Variants in MTMR6 observed in about 807,000 individuals in gnomAD.
MTMR6 encodes the protein phosphatidylinositol-3,5-bisphosphate 3-phosphatase MTMR6.
In MTMR6, 47 loss-of-function variants were observed where a neutral mutation model predicts 80.1. The ratio of observed to expected loss-of-function variants is 0.59; its 90% confidence interval spans 0.46 to 0.75. The LOEUF is 0.75. MTMR6 is among the 30% of genes least tolerant of loss of function. The pLI, the probability that MTMR6 is intolerant of heterozygous loss-of-function variation, is 0.00. For missense variants in MTMR6, 629 were observed against 730.9 expected, an observed-to-expected ratio of 0.86 and a Z score of 1.61; for synonymous variants, 254 against 253.0, an observed-to-expected ratio of 1.00 and a Z score of -0.04.
At chr13:25,285,746 C>A (rs1413730569) in intron 1 of MTMR6, among the ~76,000 whole-genome samples, 1 of 152,054 alleles carries the variant, frequency 6.6e-6, no homozygotes, top group African/African-American at 2.4e-5. Context: ...GTTGTCCAGG[C>A]TGGTCTCGAA....
chr13:25,274,570 C>T (rs949587752), intron 1 of MTMR6, among the ~76,000 whole-genome samples: 1 of 151,966 alleles, frequency 6.6e-6, no homozygotes, highest in Non-Finnish European at 1.5e-5. Flanking sequence ...AGTAAACTAC[C>T]AGAAAAATTA....
At chr13:25,267,324 C>T (rs1229855954) in intron 3 of MTMR6, among the ~76,000 whole-genome samples, 1 of 152,006 alleles carries the variant, frequency 6.6e-6, no homozygotes, top group Admixed American at 6.6e-5. Flanking sequence ...TAGAATTCAC[C>T]CTCTCTTGTT....
intron 1 of MTMR6, among the ~76,000 whole-genome samples, chr13:25,283,756 T>C (rs78973087): frequency 2.3e-3 from 350 of 152,354 alleles, no homozygotes; most frequent in Middle Eastern, 0.01. Context: ...GACAATATCA[T>C]TTGACATCAA....
At chr13:25,277,605 T>C (rs1320658103) in intron 1 of MTMR6, among the ~76,000 whole-genome samples, 2 of 152,114 alleles carry the variant, frequency 1.3e-5, no homozygotes, top group Non-Finnish European at 2.9e-5. Flanking sequence ...CTCTGCTATC[T>C]TTTCCCTACA....
At chr13:25,273,749 ACTC>A (rs1027807343) in intron 2 of MTMR6, among the ~76,000 whole-genome samples, 3 of 150,772 alleles carry the variant, frequency 2.0e-5, no homozygotes, top group Non-Finnish European at 4.4e-5. Context: ...CTGGTCTTGA[ACTC>A]CTGACCTCGT....
Position 25,287,291 on chromosome 13 carries a change from T to C in MTMR6, c.-44A>G, listed in dbSNP as rs765941943. ...GGCAGCCGGTCTCACAGGCGTACCA[T>C]ACGGCTACAGAAACAGGGCGGTGAC... On this transcript the variant is annotated 5_prime_UTR_variant, in exon 1 of 14. It removes an upstream start codon present in the reference 5' UTR. Coordinates refer to ENST00000381801, the MANE Select transcript of MTMR6 (RefSeq NM_004685.5). 6 of 1,574,780 alleles carry C rather than the reference T, an allele frequency of 3.8e-6. No individual in the cohort carries two copies. Among genetic ancestry groups the C allele is most frequent in the African/African-American group, 2.7e-5 (2 of 73,972 alleles).
At chr13:25,270,597 T>C (rs1957551693) in intron 2 of MTMR6, among the ~76,000 whole-genome samples, 1 of 152,112 alleles carries the variant, frequency 6.6e-6, no homozygotes, top group Non-Finnish European at 1.5e-5. Flanking sequence ...GATGATAATA[T>C]GACTAATTAT....
In MTMR6 at chr13:25,287,426, G is replaced by A; in HGVS notation, c.-179C>T. The stretch of plus-strand genomic sequence containing the variant: ...TGCAGCCGGTGAGCGCCGTCTCCTA[G>A]AAACACTTCCCCAAACCCCGCGGCC... On this transcript the variant is annotated 5_prime_UTR_variant, in exon 1 of 14. Transcript: ENST00000381801. 1.3e-6 allele frequency: 1 copy of A among 770,172 alleles called. No individual in the cohort carries two copies. The highest frequency in any genetic ancestry group is 2.1e-6 in the Non-Finnish European group (1 of 469,670). The allele number at this position is 770,172 out of a possible 1,614,324, so 47.7% of individuals were successfully genotyped here.
At chr13:25,259,526 A>C (rs1957286649) in intron 6 of MTMR6, among the ~76,000 whole-genome samples, 1 of 152,210 alleles carries the variant, frequency 6.6e-6, no homozygotes, top group South Asian at 2.1e-4. Flanking sequence ...ATTGTATCCT[A>C]CTGACTCACT....
chr13:25,274,960 A>ACACG, intron 1 of MTMR6, among the ~76,000 whole-genome samples: 1 of 132,300 alleles, frequency 7.6e-6, no homozygotes, highest in Non-Finnish European at 1.6e-5. Flanking sequence ...ACACACACAC[A>ACACG]TACACACACA....
rs1274015617 is a variant in MTMR6 at position 25,274,947 on chromosome 13, CACACACACACACAT to C, written c.25-774_25-761del. ...ATGAATACTAGTAGACAGACACACA[CACACACACACACAT>C]ACACACACACACACACACACACACA... is the stretch of plus-strand genomic sequence containing the variant. On this transcript the variant is annotated intron_variant, in intron 1 of 13. Coordinates refer to ENST00000381801, the MANE Select transcript of MTMR6 (RefSeq NM_004685.5). Among the ~76,000 whole-genome samples, 483 of 127,064 alleles carry C rather than the reference CACACACACACACAT, an allele frequency of 3.8e-3. 7 individuals carry two copies. The highest frequency in any genetic ancestry group is 0.038 in the East Asian group (156 of 4,150). 83.4% of individuals were successfully genotyped at this position (127,064 alleles called of 152,430 possible).
Position 25,249,298 on chromosome 13 carries a change from T to C in MTMR6, c.1800A>G (p.Glu600=), listed in dbSNP as rs954481492. 6.8e-6 allele frequency: 11 copies of C among 1,613,992 alleles called. No homozygotes were observed. The highest frequency in any genetic ancestry group is 9.3e-6 in the Non-Finnish European group (11 of 1,179,968). The part of the protein sequence containing the change: ...PADNRYSEYA[E]EFSKSEPAVV... ...CAGCAGGTTCTGATTTAGAAAACTC[T>C]TCTGCATATTCACTATAACGATTAT... The change falls in exon 14 of 14, where the codon GAA becomes GAG. Residue 600 remains glutamate (E), a synonymous_variant. Coordinates refer to ENST00000381801, the MANE Select transcript of MTMR6 (RefSeq NM_004685.5).
chr13:25,264,333 G>A (rs1263443360), intron 5 of MTMR6, among the ~76,000 whole-genome samples: 1 of 151,886 alleles, frequency 6.6e-6, no homozygotes, highest in Non-Finnish European at 1.5e-5. Context: ...AAGCCCAATT[G>A]TCAACTAATA....
intron 6 of MTMR6, among the ~76,000 whole-genome samples, chr13:25,260,085 A>C (rs1158007308): frequency 2.0e-5 from 3 of 150,554 alleles, no homozygotes; most frequent in African/African-American, 7.4e-5. Context: ...CTGGTCTCAA[A>C]CTCCTGACCT....
intron 5 of MTMR6, among the ~76,000 whole-genome samples, chr13:25,264,560 G>T (rs1957410456): frequency 6.6e-6 from 1 of 151,784 alleles, no homozygotes; most frequent in Non-Finnish European, 1.5e-5. Flanking sequence ...TTCAAGACCA[G>T]ACTAGCCAAC....
At chr13:25,281,807 T>C (rs772390521) in intron 1 of MTMR6, among the ~76,000 whole-genome samples, 11 of 152,194 alleles carry the variant, frequency 7.2e-5, no homozygotes, top group Non-Finnish European at 4.4e-5. Flanking sequence ...GCAGAGATTA[T>C]GGTTTCTGTT....
intron 10 of MTMR6, 79 bp downstream of exon 10, chr13:25,254,306 T>A (rs1028051985): frequency 2.9e-6 from 3 of 1,029,672 alleles, no homozygotes; most frequent in Non-Finnish European, 4.6e-6. Context: ...TGTGAGTTCA[T>A]AAGGAACAGA....
intron 2 of MTMR6, among the ~76,000 whole-genome samples, chr13:25,272,558 C>A (rs1459421876): frequency 6.6e-6 from 1 of 152,064 alleles, no homozygotes; most frequent in Admixed American, 6.6e-5. Flanking sequence ...GAACACAGTA[C>A]CCAAGAGGTA....
intron 1 of MTMR6, among the ~76,000 whole-genome samples, chr13:25,285,822 C>T (rs1004145049): frequency 2.0e-5 from 3 of 152,194 alleles, no homozygotes; most frequent in African/African-American, 4.8e-5. Context: ...GCGTGAGCCA[C>T]CGTGCCCAGC....
Sources: gnomAD v4.1 joint callset for allele counts (sites outside exome capture counted in the v4.1 genomes callset) on GRCh38, gnomAD v4.1.1 for gene constraint, MANE v1.5 for transcripts, NCBI Gene and HGNC (gene_info 2026-07-23, HGNC 2026-07-21) for gene names.